The following PAX8 variants were observed in gnomAD, a reference collection of about 807,000 sequenced individuals.
The protein encoded by PAX8 is paired box 8.
PAX8 carries 15 observed loss-of-function variants against 52.4 expected under a neutral mutation model. The observed-to-expected ratio is 0.29, with a 90% CI of 0.19 to 0.44. The LOEUF is 0.44. PAX8 is among the 20% of genes least tolerant of loss of function. The pLI, the probability that PAX8 is intolerant of heterozygous loss-of-function variation, is 1.00. For synonymous variants in PAX8, 284 were observed against 249.7 expected, an observed-to-expected ratio of 1.14 and a Z score of -1.29; for missense variants, 554 against 602.5, an observed-to-expected ratio of 0.92 and a Z score of 0.84.
intron 7 of PAX8, chr2:113,237,383 A>G (rs1291887931): frequency 6.6e-6 from 1 of 152,316 alleles, no homozygotes; most frequent in Middle Eastern, 3.4e-3. Context: ...GAACTCAGGT[A>G]AATGGCCCAA....
At chr2:113,273,615 T>A (rs1009535321) in intron 2 of PAX8, 1 of 152,198 alleles carries the variant, frequency 6.6e-6, no homozygotes, top group African/African-American at 2.4e-5. Context: ...CTGGACAATA[T>A]ATACTTTAAA....
Position 113,241,070 on chromosome 2 carries a change from G to A in PAX8, c.777+481C>T, listed in dbSNP as rs1185648675. The A allele has an allele frequency of 3.3e-5, 8 of 243,322 alleles. No homozygotes were observed. In the Admixed American group the frequency reaches 4.1e-4, roughly 13 times the overall value. 15.1% of individuals were successfully genotyped at this position (243,322 alleles called of 1,614,324 possible). ...AGAAGTGGGAGGAAAGGCATTCTGT[G>A]TGGAGGGCACACAGTGTGCAAGGGC... On this transcript the variant is annotated intron_variant, in intron 7 of 11. Coordinates refer to ENST00000429538, the MANE Select transcript of PAX8 (RefSeq NM_003466.4).
At chr2:113,263,722 T>C (rs957416065) in intron 2 of PAX8, among the ~76,000 whole-genome samples, 5 of 152,128 alleles carry the variant, frequency 3.3e-5, no homozygotes, top group African/African-American at 9.7e-5. Context: ...AGAAGGGCTG[T>C]GCCCCCAGCA....
intron 2 of PAX8, among the ~76,000 whole-genome samples, chr2:113,253,503 C>T (rs533779125): frequency 4.6e-5 from 7 of 152,352 alleles, no homozygotes; most frequent in African/African-American, 1.7e-4. Flanking sequence ...CCACCTGCCA[C>T]CACACTCTCT....
At chr2:113,222,181 G>A (rs888973961) in intron 10 of PAX8, among the ~76,000 whole-genome samples, 2 of 152,094 alleles carry the variant, frequency 1.3e-5, no homozygotes, top group African/African-American at 4.8e-5. Flanking sequence ...ATCTCCCAGT[G>A]CCAACTGCCT....
At chr2:113,260,134 A>T (rs567731686) in intron 2 of PAX8, among the ~76,000 whole-genome samples, 1 of 152,258 alleles carries the variant, frequency 6.6e-6, no homozygotes, top group Non-Finnish European at 1.5e-5. Context: ...GGCTGTGTGT[A>T]TGTGGGGTGA....
chr2:113,270,800 T>C (rs1050891501), intron 2 of PAX8: 2 of 152,098 alleles, frequency 1.3e-5, no homozygotes, highest in Non-Finnish European at 2.9e-5. Context: ...CCCAAGGCCA[T>C]TTAAGAAGAC....
chr2:113,233,280 T>C (rs1690010296), intron 9 of PAX8, among the ~76,000 whole-genome samples: 1 of 146,318 alleles, frequency 6.8e-6, no homozygotes. Flanking sequence ...ACACTGGATG[T>C]CCCTCTCTTC....
intron 10 of PAX8, among the ~76,000 whole-genome samples, chr2:113,220,694 C>T (rs1325406033): frequency 6.6e-6 from 1 of 151,948 alleles, no homozygotes; most frequent in Non-Finnish European, 1.5e-5. Flanking sequence ...TTTAGCCTCG[C>T]TAGGTATGAG....
intron 3 of PAX8, among the ~76,000 whole-genome samples, chr2:113,245,658 G>A (rs1179136516): frequency 6.6e-6 from 1 of 152,140 alleles, no homozygotes; most frequent in African/African-American, 2.4e-5. Context: ...TCAACCGCCT[G>A]TGTCAGCATA....
intron 2 of PAX8, among the ~76,000 whole-genome samples, chr2:113,254,030 T>G (rs1342471238): frequency 6.6e-6 from 1 of 152,244 alleles, no homozygotes; most frequent in African/African-American, 2.4e-5. Flanking sequence ...TTATATTAGG[T>G]GTTCAGTAAA....
chr2:113,268,400 C>T (rs975812292), intron 2 of PAX8: 4 of 152,218 alleles, frequency 2.6e-5, no homozygotes, highest in African/African-American at 7.2e-5. Flanking sequence ...GGACCAGGGT[C>T]GGGGCATACC....
At chr2:113,241,513 T>C in intron 7 of PAX8, 38 bp downstream of exon 7, 1 of 1,564,620 alleles carries the variant, frequency 6.4e-7, no homozygotes. Context: ...CTCTGGCCCT[T>C]GCCCACCCTG....
At chr2:113,278,335 G>A (rs1301301512) in intron 2 of PAX8, 35 bp downstream of exon 2, 2 of 1,496,200 alleles carry the variant, frequency 1.3e-6, no homozygotes, top group East Asian at 4.6e-5. Flanking sequence ...CAGCGGCGCG[G>A]GGGCTCGGGG....
intron 7 of PAX8, chr2:113,239,437 G>A (rs1690636565): frequency 6.6e-6 from 1 of 152,276 alleles, no homozygotes; most frequent in Non-Finnish European, 1.5e-5. Context: ...ATGAATACTT[G>A]TGCTTCTTTC....
chr2:113,219,265 G>A (rs1369374939), intron 11 of PAX8, among the ~76,000 whole-genome samples: 1 of 152,188 alleles, frequency 6.6e-6, no homozygotes, highest in Non-Finnish European at 1.5e-5. Context: ...GGAGGAGAGG[G>A]GGTCTTGGGG....
chr2:113,225,918 C>G, intron 10 of PAX8: 3 of 823,110 alleles, frequency 3.6e-6, no homozygotes, highest in Non-Finnish European at 4.4e-6. Flanking sequence ...TTATCTTGAC[C>G]AATCTCATTT....
intron 9 of PAX8, among the ~76,000 whole-genome samples, chr2:113,233,307 A>G (rs1357020668): frequency 7.1e-6 from 1 of 139,916 alleles, no homozygotes; most frequent in African/African-American, 2.7e-5. Context: ...AACTTCTCAC[A>G]TTAGGTGCTG....
intron 9 of PAX8, among the ~76,000 whole-genome samples, chr2:113,231,988 A>G (rs1207891407): frequency 2.0e-5 from 3 of 152,180 alleles, no homozygotes; most frequent in Non-Finnish European, 2.9e-5. Flanking sequence ...TTGGCCTCCC[A>G]AAGTGCTGGG....
Sources: allele counts gnomAD v4.1 joint callset (sites outside exome capture counted in the v4.1 genomes callset), GRCh38; gene constraint gnomAD v4.1.1; transcripts MANE v1.5; gene names NCBI Gene and HGNC (gene_info 2026-07-23, HGNC 2026-07-21).